Variants in PLCB1 observed in about 807,000 individuals in gnomAD.
PLCB1 encodes the protein 1-phosphatidylinositol 4,5-bisphosphate phosphodiesterase beta-1.
In PLCB1, 46 loss-of-function variants were observed where a neutral mutation model predicts 161.8. That is an observed-to-expected ratio of 0.28 (90% CI 0.22 to 0.36). The LOEUF is 0.36. Ranked by LOEUF, PLCB1 falls within the 10% of genes least tolerant of loss-of-function variation. PLCB1 has a pLI of 1.00. For missense variants in PLCB1, 1,016 were observed against 1,472.5 expected (o/e 0.69, Z 5.07); for synonymous variants, 517 against 503.7 (o/e 1.03, Z -0.35).
chr20:8,636,189 G>C lies in PLCB1; in HGVS notation c.384+7758G>C, dbSNP rs867264189. Among the ~76,000 whole-genome samples the C allele has an allele frequency of 1.2e-4, 19 of 152,266 alleles. No individual in the cohort carries two copies. The Middle Eastern group carries it at 0.01, about 82-fold the overall frequency. On this transcript the variant is annotated intron_variant, in intron 4 of 31. Transcript: ENST00000338037. ...GCAGGTAGAATACATGTGCCAAAAAGATCACTGTTTGCAAACATGAAAAGT... is the reference window on the plus strand; with the variant it reads ...GCAGGTAGAATACATGTGCCAAAAACATCACTGTTTGCAAACATGAAAAGT...
intron 13 of PLCB1, among the ~76,000 whole-genome samples, chr20:8,717,000 G>A (rs557227044): frequency 6.6e-6 from 1 of 152,174 alleles, no homozygotes; most frequent in Non-Finnish European, 1.5e-5. Context: ...AACCTATCTT[G>A]TGGCTTGCAC....
chr20:8,751,604 G>A (rs1470721575), intron 23 of PLCB1: 1 of 152,066 alleles, frequency 6.6e-6, no homozygotes, highest in East Asian at 1.9e-4. Context: ...ATTCAAGTTA[G>A]GCATATTTTG....
Position 8,848,145 on chromosome 20 carries a change from C to T in PLCB1, c.3424-33477C>T, listed in dbSNP as rs535839357. Reference sequence around the variant, plus strand: ...TGTTTGCCCCACCTGTTAATACCATCACATTGGCCATTAAGTTTCAACACT... The same window carrying T: ...TGTTTGCCCCACCTGTTAATACCATTACATTGGCCATTAAGTTTCAACACT... On this transcript the variant is annotated intron_variant, in intron 31 of 31. Coordinates refer to ENST00000338037, the MANE Select transcript of PLCB1 (RefSeq NM_015192.4). 1.8e-4 allele frequency among the ~76,000 whole-genome samples: 27 copies of T among 152,304 alleles called. No homozygotes were observed. In the South Asian group the frequency reaches 5.6e-3, roughly 32 times the overall value.
At chr20:8,672,557 G>A (rs922163834) in intron 9 of PLCB1, among the ~76,000 whole-genome samples, 3 of 152,106 alleles carry the variant, frequency 2.0e-5, no homozygotes, top group African/African-American at 7.2e-5. Context: ...GCCATGATGT[G>A]GGCATTTCCT....
chr20:8,802,054 AG>A, intron 31 of PLCB1: 1 of 1,569,446 alleles, frequency 6.4e-7, no homozygotes, highest in Non-Finnish European at 8.8e-7. Context: ...TTTTCCACAC[AG>A]GGGGAAGGTT....
intron 3 of PLCB1, among the ~76,000 whole-genome samples, chr20:8,429,074 C>T (rs1979919186): frequency 1.3e-5 from 2 of 152,088 alleles, no homozygotes; most frequent in African/African-American, 2.4e-5. Context: ...TGCACGCAAG[C>T]AATATCTATG....
At chr20:8,419,092 A>C (rs1327467819) in intron 3 of PLCB1, among the ~76,000 whole-genome samples, 6 of 152,232 alleles carry the variant, frequency 3.9e-5, no homozygotes, top group Non-Finnish European at 2.9e-5. Flanking sequence ...TGTTAAATTA[A>C]AATATTGACA....
At position 8,657,307 on chromosome 20, in the gene PLCB1, A is replaced by T. The variant is rs190490112; in HGVS notation, c.695+23A>T. ...ATTGTAAGAGTACACATTTTAAGCC[A>T]TATCTTTTTCAGCTTGCATTGATTC... On this transcript the variant is annotated intron_variant, in intron 8 of 31. Transcript: ENST00000338037. The T allele has an allele frequency of 1.8e-5, 25 of 1,411,152 alleles. No individual in the cohort carries two copies. The East Asian group carries it at 5.0e-4, about 28-fold the overall frequency. The allele number at this position is 1,411,152 out of a possible 1,614,324, so 87.4% of individuals were successfully genotyped here. A position where few individuals can be genotyped will look rare whatever the true frequency, so the allele number is the denominator to read the frequency against.
At chr20:8,174,465 G>T (rs1281903396) in intron 2 of PLCB1, among the ~76,000 whole-genome samples, 2 of 152,114 alleles carry the variant, frequency 1.3e-5, no homozygotes, top group Admixed American at 1.3e-4. Flanking sequence ...ATTGACTAAT[G>T]GAATTTTATA....
chr20:8,369,846 T>G (rs1986847092), intron 2 of PLCB1, among the ~76,000 whole-genome samples: 1 of 152,218 alleles, frequency 6.6e-6, no homozygotes, highest in Non-Finnish European at 1.5e-5. Flanking sequence ...CTGTTGGACC[T>G]TCTGTGTGGG....
intron 3 of PLCB1, among the ~76,000 whole-genome samples, chr20:8,372,709 T>C (rs966404802): frequency 6.6e-6 from 1 of 152,224 alleles, no homozygotes; most frequent in Non-Finnish European, 1.5e-5. Flanking sequence ...CAGTTTTTAG[T>C]ATAGGAAAGA....
At chr20:8,798,639 A>G (rs1984145633) in intron 31 of PLCB1, among the ~76,000 whole-genome samples, 1 of 152,204 alleles carries the variant, frequency 6.6e-6, no homozygotes, top group Non-Finnish European at 1.5e-5. Context: ...CCCAATGGGC[A>G]GGGGAAGTGA....
intron 3 of PLCB1, among the ~76,000 whole-genome samples, chr20:8,549,043 T>TA (rs1369114198): frequency 6.6e-6 from 1 of 152,154 alleles, no homozygotes; most frequent in African/African-American, 2.4e-5. Context: ...AAATACCTAA[T>TA]ACATGCAGGG....
rs371547145 is a variant in PLCB1 at position 8,774,555 on chromosome 20, C to T, written c.2947C>T (p.Pro983Ser). Residue 983 changes from proline (P) to serine (S), a missense_variant, in exon 27 of 32, where the codon CCT becomes TCT. Coordinates refer to ENST00000338037, the MANE Select transcript of PLCB1 (RefSeq NM_015192.4). Reference protein sequence around the residue: ...DSKKKSEPSSPDHGSSTIEQD... With the variant: ...DSKKKSEPSSSDHGSSTIEQD... Reference sequence around the variant, plus strand: ...TCTTTGCAGATCGGAACCCAGCAGCCCTGATCATGGTTCATCAACGATTGA... The same window carrying T: ...TCTTTGCAGATCGGAACCCAGCAGCTCTGATCATGGTTCATCAACGATTGA... 82 of 1,611,570 alleles carry T rather than the reference C, an allele frequency of 5.1e-5. No homozygotes were observed. The highest frequency in any genetic ancestry group is 6.6e-5 in the Non-Finnish European group (78 of 1,178,316).
At chr20:8,149,554 A>C (rs2051487958) in intron 1 of PLCB1, among the ~76,000 whole-genome samples, 1 of 152,196 alleles carries the variant, frequency 6.6e-6, no homozygotes, top group Non-Finnish European at 1.5e-5. Flanking sequence ...TCTCTAAAAA[A>C]TGCAATTCCT....
At chr20:8,773,018 G>A (rs891346694) in intron 26 of PLCB1, among the ~76,000 whole-genome samples, 3 of 152,214 alleles carry the variant, frequency 2.0e-5, no homozygotes, top group African/African-American at 7.2e-5. Context: ...ACTGCAGTGA[G>A]GAGCCTTATA....
intron 1 of PLCB1, among the ~76,000 whole-genome samples, chr20:8,142,579 G>A (rs1012864995): frequency 6.6e-6 from 1 of 152,110 alleles, no homozygotes; most frequent in Non-Finnish European, 1.5e-5. Flanking sequence ...TTTACCATTA[G>A]TTCCTATTTT....
chr20:8,741,447 A>C lies in PLCB1; in HGVS notation c.2414-17A>C, dbSNP rs768786846. On this transcript the variant is annotated splice_polypyrimidine_tract_variant and intron_variant, in intron 22 of 31. Coordinates refer to ENST00000338037, the MANE Select transcript of PLCB1 (RefSeq NM_015192.4). The stretch of plus-strand genomic sequence containing the variant: ...ACTTCCAGGACCTTTGATCTAAAAT[A>C]TCTCTTCCCTATTTAGATGTCATCG... The C allele has an allele frequency of 2.6e-5, 40 of 1,544,910 alleles. No individual in the cohort carries two copies. The highest frequency in any genetic ancestry group is 3.3e-5 in the Non-Finnish European group (37 of 1,117,794).
rs776894788 is a variant in PLCB1 at position 8,657,167 on chromosome 20, G to A, written c.595-17G>A. 1.2e-5 allele frequency: 17 copies of A among 1,454,914 alleles called. No homozygotes were observed. Among genetic ancestry groups the A allele is most frequent in the East Asian group, 1.1e-4 (5 of 44,030 alleles). 90.1% of individuals were successfully genotyped at this position (1,454,914 alleles called of 1,614,324 possible). ...AGGAAAAAGACCATTTGCTGACTCC[G>A]TTGTTTTATTTCCCAGAATGATTCA... On this transcript the variant is annotated splice_polypyrimidine_tract_variant and intron_variant, in intron 7 of 31. Transcript: ENST00000338037.
Sources: gnomAD v4.1 joint callset for allele counts (sites outside exome capture counted in the v4.1 genomes callset) on GRCh38, gnomAD v4.1.1 for gene constraint, MANE v1.5 for transcripts, NCBI Gene and HGNC (gene_info 2026-07-23, HGNC 2026-07-21) for gene names.